Variants in SHISA6 observed in about 807,000 individuals in gnomAD.
SHISA6 encodes the protein protein shisa-6.
Under a neutral mutation model 47.9 loss-of-function variants are expected in SHISA6, and 22 were observed. The observed-to-expected ratio is 0.46, with a 90% CI of 0.33 to 0.66. The LOEUF is 0.66. Ranked by LOEUF, SHISA6 falls within the 30% of genes least tolerant of loss-of-function variation. SHISA6 has a pLI of 0.02. For synonymous variants in SHISA6, 388 were observed against 337.8 expected, an observed-to-expected ratio of 1.15 and a Z score of -1.63; for missense variants, 680 against 764.6, an observed-to-expected ratio of 0.89 and a Z score of 1.30.
chr17:11,245,945 C>T (rs552058521), intron 1 of SHISA6, among the ~76,000 whole-genome samples: 1 of 152,324 alleles, frequency 6.6e-6, no homozygotes, highest in East Asian at 1.9e-4. Context: ...TATTTCCTCA[C>T]AGGCCACATA....
At chr17:11,510,612 GCC>G (rs2142354220) in intron 3 of SHISA6, among the ~76,000 whole-genome samples, 1 of 152,312 alleles carries the variant, frequency 6.6e-6, no homozygotes, top group South Asian at 2.1e-4. Context: ...TTCACAATAT[GCC>G]CTAATGTGGC....
At chr17:11,505,909 C>A (rs1385655343) in intron 3 of SHISA6, among the ~76,000 whole-genome samples, 1 of 152,076 alleles carries the variant, frequency 6.6e-6, no homozygotes, top group East Asian at 1.9e-4. Context: ...ACAAGGCAGT[C>A]CACGATGCGT....
intron 3 of SHISA6, among the ~76,000 whole-genome samples, chr17:11,423,332 T>TGCCTGTAAC (rs1914512432): frequency 3.8e-5 from 1 of 25,978 alleles, no homozygotes; most frequent in Non-Finnish European, 1.1e-4. Flanking sequence ...TATATATAGA[T>TGCCTGTAAC]AGATAGATAG....
intron 2 of SHISA6, among the ~76,000 whole-genome samples, chr17:11,290,973 T>C (rs1402228579): frequency 2.0e-5 from 3 of 151,592 alleles, no homozygotes; most frequent in East Asian, 3.9e-4. Context: ...TTCCATTTAT[T>C]ATTAATTTAA....
chr17:11,524,622 G>A (rs527708876), intron 3 of SHISA6, among the ~76,000 whole-genome samples: 3 of 151,476 alleles, frequency 2.0e-5, no homozygotes, highest in African/African-American at 4.8e-5. Context: ...TCAGCCTCCC[G>A]AGGAGCTGGG....
chr17:11,434,570 G>A (rs944340192), intron 3 of SHISA6, among the ~76,000 whole-genome samples: 6 of 152,178 alleles, frequency 3.9e-5, no homozygotes, highest in African/African-American at 1.4e-4. Context: ...CATAAAACAA[G>A]AGGTGCAACT....
At chr17:11,278,940 C>A (rs1002574759) in intron 2 of SHISA6, among the ~76,000 whole-genome samples, 3 of 152,144 alleles carry the variant, frequency 2.0e-5, no homozygotes, top group African/African-American at 7.2e-5. Flanking sequence ...ACACTGCCAG[C>A]CAAGCCTTGG....
intron 3 of SHISA6, among the ~76,000 whole-genome samples, chr17:11,440,538 A>C (rs947256540): frequency 3.3e-5 from 5 of 151,176 alleles, no homozygotes; most frequent in Non-Finnish European, 4.4e-5. Flanking sequence ...CCTTAGGGCT[A>C]ACTCTTAGTC....
intron 3 of SHISA6, among the ~76,000 whole-genome samples, chr17:11,522,646 A>G (rs2142364129): frequency 6.6e-6 from 1 of 152,230 alleles, no homozygotes; most frequent in Admixed American, 6.5e-5. Flanking sequence ...AGTAAAGTAA[A>G]TATCAGTTAA....
chr17:11,492,995 T>C (rs2908979), intron 3 of SHISA6, among the ~76,000 whole-genome samples: 76,848 of 151,996 alleles, frequency 0.51, 19,763 homozygotes, highest in East Asian at 0.55. Flanking sequence ...GATTGGCCAT[T>C]TGTCACTAGG....
At chr17:11,405,104 C>A (rs995456698) in intron 3 of SHISA6, among the ~76,000 whole-genome samples, 3 of 152,148 alleles carry the variant, frequency 2.0e-5, no homozygotes, top group African/African-American at 7.2e-5. Flanking sequence ...AAAAGGAAGG[C>A]CCTATCCAAG....
chr17:11,544,146 G>T (rs2071860236), intron 3 of SHISA6, among the ~76,000 whole-genome samples: 1 of 151,924 alleles, frequency 6.6e-6, no homozygotes, highest in Non-Finnish European at 1.5e-5. Flanking sequence ...TTTTTTTCAG[G>T]CTTCAGGGAT....
intron 3 of SHISA6, among the ~76,000 whole-genome samples, chr17:11,483,296 C>T (rs1014829825): frequency 5.8e-5 from 7 of 120,126 alleles, no homozygotes; most frequent in East Asian, 2.4e-4. Context: ...AGTGAAACTC[C>T]GTCTAAAAAA....
chr17:11,358,851 G>T (rs1425691590), intron 2 of SHISA6, among the ~76,000 whole-genome samples: 3 of 151,822 alleles, frequency 2.0e-5, no homozygotes, highest in Non-Finnish European at 4.4e-5. Flanking sequence ...TAGAGACAGG[G>T]TTTCACCATG....
intron 3 of SHISA6, among the ~76,000 whole-genome samples, chr17:11,428,811 GT>G (rs1914670716): frequency 7.5e-6 from 1 of 133,000 alleles, no homozygotes; most frequent in Non-Finnish European, 1.6e-5. Context: ...TTGAGACAGA[GT>G]TTTGCTCTGT....
intron 2 of SHISA6, among the ~76,000 whole-genome samples, chr17:11,315,342 G>C (rs907108077): frequency 6.6e-6 from 1 of 152,100 alleles, no homozygotes; most frequent in African/African-American, 2.4e-5. Flanking sequence ...TCAGTTGACT[G>C]CCTTGGATTT....
chr17:11,360,085 G>A (rs1912214232), intron 2 of SHISA6, among the ~76,000 whole-genome samples: 1 of 152,208 alleles, frequency 6.6e-6, no homozygotes, highest in Non-Finnish European at 1.5e-5. Context: ...ATCAGTGATA[G>A]ACTGGATCAA....
chr17:11,401,258 C>A (rs1913763144), intron 3 of SHISA6, among the ~76,000 whole-genome samples: 1 of 152,184 alleles, frequency 6.6e-6, no homozygotes, highest in South Asian at 2.1e-4. Flanking sequence ...TGCAGCAGTG[C>A]AATCTCCCCT....
chr17:11,339,384 T>C (rs1479397333), intron 2 of SHISA6, among the ~76,000 whole-genome samples: 1 of 152,062 alleles, frequency 6.6e-6, no homozygotes, highest in Non-Finnish European at 1.5e-5. Context: ...CAGGCTTTAC[T>C]GTGGTTATTT....
Sources: allele counts gnomAD v4.1 joint callset (sites outside exome capture counted in the v4.1 genomes callset), GRCh38; gene constraint gnomAD v4.1.1; transcripts MANE v1.5; gene names NCBI Gene and HGNC (gene_info 2026-07-23, HGNC 2026-07-21).